Variants in SIM1 observed in about 807,000 individuals in gnomAD.
SIM1 encodes single-minded homolog 1.
SIM1 carries 18 observed loss-of-function variants against 78.2 expected under a neutral mutation model. The ratio of observed to expected loss-of-function variants is 0.23; its 90% confidence interval spans 0.16 to 0.34. The LOEUF is 0.34. Among genes scored for constraint, SIM1 ranks in the 10% least tolerant of loss-of-function variants. The pLI is 1.00. For synonymous variants in SIM1, 417 were observed against 385.2 expected, an observed-to-expected ratio of 1.08 and a Z score of -0.97; for missense variants, 939 against 975.1, an observed-to-expected ratio of 0.96 and a Z score of 0.49.
intron 11 of SIM1, among the ~76,000 whole-genome samples, chr6:100,392,152 C>T (rs71566340): frequency 0.11 from 17,176 of 152,102 alleles, 1,005 homozygotes; most frequent in Middle Eastern, 0.18. Flanking sequence ...CCAGCCTAGG[C>T]GACAAGAGCG....
intron 2 of SIM1, among the ~76,000 whole-genome samples, chr6:100,461,976 G>A (rs964880610): frequency 6.6e-6 from 1 of 151,650 alleles, no homozygotes; most frequent in Non-Finnish European, 1.5e-5. Context: ...CTTGTAGTTT[G>A]AAGGTAGAAC....
intron 10 of SIM1, among the ~76,000 whole-genome samples, chr6:100,412,612 GAA>G (rs1314581091): frequency 1.7e-5 from 1 of 57,756 alleles, no homozygotes; most frequent in African/African-American, 6.4e-5. Flanking sequence ...AGAAAGAAAG[GAA>G]AGAAAGAAGG....
intron 10 of SIM1, among the ~76,000 whole-genome samples, chr6:100,402,664 G>A (rs1474118050): frequency 7.6e-6 from 1 of 130,768 alleles, no homozygotes; most frequent in Non-Finnish European, 1.6e-5. Context: ...GGCAAGCTCC[G>A]CCTCCCGGGT....
rs1770618762 is a variant in SIM1 at position 100,390,777 on chromosome 6, G to C, written c.1885C>G (p.Pro629Ala). Reference protein sequence around the residue: ...CHGSALANTSPCDHIQQREGK... With the variant: ...CHGSALANTSACDHIQQREGK... ...TCTCTCTGCTGGATATGGTCACATGGTGAAGTGTTGGCAAGAGCAGAGCCA... is the reference window on the plus strand; with the variant it reads ...TCTCTCTGCTGGATATGGTCACATGCTGAAGTGTTGGCAAGAGCAGAGCCA... Residue 629 changes from proline to alanine, a missense_variant, in exon 12 of 12, where the codon CCA (proline) becomes GCA (alanine). Physicochemically the swap from Pro to Ala is conservative, Grantham distance 27. Coordinates refer to ENST00000369208, the MANE Select transcript of SIM1 (RefSeq NM_005068.3). The C allele has an allele frequency of 1.2e-6, 2 of 1,614,014 alleles. No homozygotes were observed. Among genetic ancestry groups the C allele is most frequent in the African/African-American group, 2.7e-5 (2 of 74,904 alleles).
At chr6:100,461,841 C>CTTTTTTTTTT (rs10522700) in intron 2 of SIM1, among the ~76,000 whole-genome samples, 21 of 113,292 alleles carry the variant, frequency 1.9e-4, no homozygotes, top group Middle Eastern at 4.4e-3. Flanking sequence ...TTCTTTCTTT[C>CTTTTTTTTTT]TTTTTTTTTT....
intron 10 of SIM1, among the ~76,000 whole-genome samples, chr6:100,399,438 A>G (rs1168502367): frequency 6.6e-6 from 1 of 152,114 alleles, no homozygotes; most frequent in Admixed American, 6.5e-5. Context: ...GGTTAATGAC[A>G]AAAGCAGGAG....
At chr6:100,458,018 CTCTCT>C (rs1562064250) in intron 2 of SIM1, among the ~76,000 whole-genome samples, 1,814 of 87,582 alleles carry the variant, frequency 0.021, 95 homozygotes, top group South Asian at 0.05. Context: ...CTCTCTCTCT[CTCTCT>C]CTCTCTCTCT....
intron 10 of SIM1, among the ~76,000 whole-genome samples, chr6:100,415,627 T>C (rs964725481): frequency 2.0e-5 from 3 of 152,134 alleles, no homozygotes; most frequent in African/African-American, 7.2e-5. Flanking sequence ...CCTAAGGGTA[T>C]CTCATAGCAG....
intron 11 of SIM1, 24 bp downstream of exon 11, chr6:100,393,463 G>A (rs1029563757): frequency 1.1e-5 from 16 of 1,495,584 alleles, no homozygotes; most frequent in Non-Finnish European, 1.4e-5. Flanking sequence ...CTTGGAGTTC[G>A]GGAACCCTTT....
chr6:100,459,899 A>G (rs1480349040), intron 2 of SIM1, among the ~76,000 whole-genome samples: 1 of 152,196 alleles, frequency 6.6e-6, no homozygotes, highest in East Asian at 1.9e-4. Context: ...TTTGCACACA[A>G]ATAAAGTCAT....
At position 100,412,643 on chromosome 6, in the gene SIM1, A is replaced by G. The variant is rs1298470593; in HGVS notation, c.1167+8147T>C. On this transcript the variant is annotated intron_variant, in intron 10 of 11. Coordinates refer to ENST00000369208, the MANE Select transcript of SIM1 (RefSeq NM_005068.3). ...AAGAAGGAAAGAAAGAAAGAAAAGA[A>G]AGAAAGAAAGAAAGAGAGAGAGAGA... 1.9e-3 allele frequency among the ~76,000 whole-genome samples: 207 copies of G among 110,464 alleles called. 10 individuals are homozygous for G. The highest frequency in any genetic ancestry group is 5.7e-3 in the African/African-American group (175 of 30,960). The allele number at this position is 110,464 out of a possible 152,430, so 72.5% of individuals were successfully genotyped here. A position where few individuals can be genotyped will look rare whatever the true frequency, so the allele number is the denominator to read the frequency against.
At chr6:100,462,321 C>A (rs1396251761) in intron 2 of SIM1, among the ~76,000 whole-genome samples, 4 of 152,122 alleles carry the variant, frequency 2.6e-5, no homozygotes, top group African/African-American at 9.7e-5. Flanking sequence ...TCCCCTTCCC[C>A]CAGCAAAGAC....
intron 9 of SIM1, among the ~76,000 whole-genome samples, chr6:100,431,122 C>T (rs1251832395): frequency 6.6e-6 from 1 of 152,168 alleles, no homozygotes. Flanking sequence ...AGATTCTGAA[C>T]TCCCCAGGAA....
chr6:100,415,435 T>C (rs894867373), intron 10 of SIM1, among the ~76,000 whole-genome samples: 1 of 152,194 alleles, frequency 6.6e-6, no homozygotes, highest in African/African-American at 2.4e-5. Flanking sequence ...AATGGTAAGA[T>C]TGCCACCATA....
chr6:100,449,828 C>A, intron 4 of SIM1, 129 bp from the exon 5 acceptor site: 1 of 700,698 alleles, frequency 1.4e-6, no homozygotes, highest in Non-Finnish European at 2.5e-6. Context: ...CCCTGAGTTC[C>A]AATGCCAGCT....
chr6:100,398,685 C>G (rs1215059029), intron 10 of SIM1, among the ~76,000 whole-genome samples: 1 of 152,040 alleles, frequency 6.6e-6, no homozygotes, highest in African/African-American at 2.4e-5. Flanking sequence ...ATTGATGACA[C>G]TTGGGTTGCT....
chr6:100,405,619 C>A (rs1032733659), intron 10 of SIM1, among the ~76,000 whole-genome samples: 3 of 151,966 alleles, frequency 2.0e-5, no homozygotes, highest in Non-Finnish European at 4.4e-5. Context: ...GGCAAGAAAT[C>A]TTTTATACAT....
intron 2 of SIM1, among the ~76,000 whole-genome samples, chr6:100,456,080 T>A (rs1444191665): frequency 6.6e-6 from 1 of 151,840 alleles, no homozygotes; most frequent in Non-Finnish European, 1.5e-5. Context: ...AGCTTTTGCC[T>A]TCCCGGAGGT....
intron 10 of SIM1, among the ~76,000 whole-genome samples, chr6:100,413,417 G>A (rs756121345): frequency 6.6e-6 from 1 of 152,112 alleles, no homozygotes; most frequent in Non-Finnish European, 1.5e-5. Flanking sequence ...CTTCCTTTTA[G>A]CATGTCGTTG....
Sources: allele counts gnomAD v4.1 joint callset (sites outside exome capture counted in the v4.1 genomes callset), GRCh38; gene constraint gnomAD v4.1.1; transcripts MANE v1.5; gene names NCBI Gene and HGNC (gene_info 2026-07-23, HGNC 2026-07-21).